SUPT16H: variants seen among roughly 807,000 people sequenced by gnomAD.
SUPT16H encodes the protein SPT16 homolog, facilitates chromatin remodeling subunit.
A neutral mutation model predicts 136.2 loss-of-function variants in SUPT16H; 24 were observed. The ratio of observed to expected loss-of-function variants is 0.18; its 90% CI spans 0.13 to 0.25. SUPT16H has a LOEUF of 0.25. SUPT16H is among the 10% of genes least tolerant of loss of function. SUPT16H has a pLI of 1.00. For synonymous variants in SUPT16H, 415 were observed against 428.2 expected (o/e 0.97, Z 0.38); for missense variants, 623 against 1,270.2 (o/e 0.49, Z 7.74).
Position 21,354,504 on chromosome 14 carries a change from G to A in SUPT16H, c.2697C>T (p.Ser899=). Residue 899 remains serine, a synonymous_variant, in exon 23 of 26, where the codon TCC becomes TCT. Transcript: ENST00000216297. ...CDLKYTEGVQ[S]LNWTKIMKTI... is the part of the protein sequence containing the mutation. ...TCTTCATGATTTTAGTCCAGTTGAG[G>A]GACTGTACTCCTTCTGTGTATTTCA... The A allele has an allele frequency of 1.2e-6, 2 of 1,614,088 alleles. No individual in the cohort carries two copies. The highest frequency in any genetic ancestry group is 1.7e-6 in the Non-Finnish European group (2 of 1,180,002).
At chr14:21,367,298 A>G (rs1886692796) in intron 7 of SUPT16H, among the ~76,000 whole-genome samples, 1 of 151,666 alleles carries the variant, frequency 6.6e-6, no homozygotes, top group Admixed American at 6.6e-5. Context: ...TTAATAAAAT[A>G]CTTTAAGAGT....
chr14:21,383,416 G>T (rs1258008129), intron 1 of SUPT16H: 5 of 502,840 alleles, frequency 9.9e-6, no homozygotes, highest in Non-Finnish European at 1.8e-5. Flanking sequence ...AAGCCCGATT[G>T]ACATCCTCCT....
Position 21,383,228 on chromosome 14 carries a change from G to A in SUPT16H, c.66+634C>T, listed in dbSNP as rs575978945. The A allele has an allele frequency of 1.7e-4, 32 of 183,760 alleles. No individual in the cohort carries two copies. In the East Asian group the frequency reaches 4.3e-3, roughly 24 times the overall value. 11.4% of individuals were successfully genotyped at this position (183,760 alleles called of 1,614,324 possible). ...CACGTGCCCCGGATACGCTACCAAG[G>A]AACTAATAAGGTTTTAGGCATCGTT... On this transcript the variant is annotated intron_variant, in intron 1 of 25. Transcript: ENST00000216297.
chr14:21,378,480 A>G (rs1326361429), intron 1 of SUPT16H, among the ~76,000 whole-genome samples: 1 of 152,226 alleles, frequency 6.6e-6, no homozygotes, highest in Non-Finnish European at 1.5e-5. Context: ...GTTATGAAGA[A>G]GGATGGATGT....
In SUPT16H at chr14:21,369,488, T is replaced by C. The variant is rs1313157271; in HGVS notation, c.631-133A>G. On this transcript the variant is annotated intron_variant, in intron 5 of 25. Transcript: ENST00000216297. ...AATGATTTATGCGCCAGGTAATATA[T>C]TGGTATGCAGGCAAAACACATTTGG... 16 of 1,245,334 alleles carry C rather than the reference T, an allele frequency of 1.3e-5. No homozygotes were observed. In the South Asian group the frequency reaches 1.6e-4, roughly 13 times the overall value. 77.1% of individuals were successfully genotyped at this position (1,245,334 alleles called of 1,614,324 possible).
intron 22 of SUPT16H, among the ~76,000 whole-genome samples, chr14:21,356,683 T>C (rs1886440986): frequency 6.6e-6 from 1 of 152,180 alleles, no homozygotes; most frequent in Non-Finnish European, 1.5e-5. Context: ...GAGGCTGCAG[T>C]GAGCTGTGAC....
rs774973353 is a variant in SUPT16H at position 21,359,529 on chromosome 14, C to G, written c.2256G>C (p.Gly752=). Residue 752 remains glycine, a synonymous_variant, in exon 19 of 26, where the codon GGG becomes GGC. Transcript: ENST00000216297. The stretch of plus-strand genomic sequence containing the variant: ...CTCGGTCATGCATATGCTGATGTTT[C>G]CCCAAGTCCGTGGTTATCTCTCCCA... ...TEVGEITTDL[G]KHQHMHDRDD... is the part of the protein sequence containing the mutation. The G allele has an allele frequency of 2.5e-5, 40 of 1,614,036 alleles. No individual in the cohort carries two copies. The East Asian group carries it at 8.5e-4, about 34-fold the overall frequency.
intron 1 of SUPT16H, chr14:21,382,996 C>CTT (rs1193585387): frequency 1.4e-4 from 22 of 152,110 alleles, no homozygotes; most frequent in African/African-American, 5.3e-4. Flanking sequence ...AAAAAAAAAT[C>CTT]TTTATTAGCT....
intron 10 of SUPT16H, among the ~76,000 whole-genome samples, chr14:21,363,975 A>T (rs2139404045): frequency 1.3e-5 from 2 of 152,248 alleles, no homozygotes; most frequent in East Asian, 1.9e-4. Context: ...CACTGCGCCC[A>T]GCCAAGAGCT....
Position 21,371,393 on chromosome 14 carries a change from C to T in SUPT16H, c.330+481G>A, listed in dbSNP as rs138668329. ...TCAGCCTCCTGAGCAGCTGGGACTA[C>T]GGGTGTGTGCCACCACGTCTGATAC... On this transcript the variant is annotated intron_variant, in intron 3 of 25. Transcript: ENST00000216297. Among the ~76,000 whole-genome samples the T allele has an allele frequency of 1.2e-3, 181 of 152,254 alleles. 1 individual carries two copies. The highest frequency in any genetic ancestry group is 3.9e-3 in the African/African-American group (160 of 41,546).
chr14:21,383,047 G>C (rs931897450), intron 1 of SUPT16H: 2 of 152,292 alleles, frequency 1.3e-5, no homozygotes, highest in African/African-American at 4.8e-5. Flanking sequence ...CAAGACTTAA[G>C]CTAGCCAACT....
intron 1 of SUPT16H, among the ~76,000 whole-genome samples, chr14:21,377,576 C>CTT (rs771328078): frequency 2.1e-4 from 30 of 141,516 alleles, no homozygotes; most frequent in Middle Eastern, 3.7e-3. Context: ...TCTATGCATC[C>CTT]TTTTTTTTTT....
chr14:21,353,853 A>C (rs1328681334), intron 23 of SUPT16H, 21 bp from the exon 24 acceptor site: 1 of 1,598,106 alleles, frequency 6.3e-7, no homozygotes, highest in Admixed American at 1.8e-5. Context: ...AGAGCATAAT[A>C]CTGATTTTTT....
intron 19 of SUPT16H, among the ~76,000 whole-genome samples, chr14:21,358,963 C>A (rs1886492068): frequency 6.6e-6 from 1 of 151,958 alleles, no homozygotes; most frequent in South Asian, 2.1e-4. Context: ...CGCCACTACA[C>A]CCGGCTAATT....
chr14:21,377,330 A>G (rs1423427580), intron 1 of SUPT16H, among the ~76,000 whole-genome samples: 1 of 152,220 alleles, frequency 6.6e-6, no homozygotes, highest in Non-Finnish European at 1.5e-5. Context: ...CAGAGAGAAC[A>G]GGCTATGTAT....
intron 2 of SUPT16H, chr14:21,372,819 T>A (rs917771749): frequency 2.8e-6 from 1 of 356,872 alleles, no homozygotes; most frequent in African/African-American, 2.1e-5. Context: ...TTTTTCCTTA[T>A]GTCTTAAATC....
At chr14:21,371,408 A>G (rs896838423) in intron 3 of SUPT16H, among the ~76,000 whole-genome samples, 55 of 152,276 alleles carry the variant, frequency 3.6e-4, no homozygotes, top group African/African-American at 1.3e-3. Context: ...GTGTGCCACC[A>G]CGTCTGATAC....
intron 25 of SUPT16H, 46 bp from the exon 26 acceptor site, chr14:21,352,864 TACCTA>T (rs748013831): frequency 6.2e-7 from 1 of 1,612,782 alleles, no homozygotes; most frequent in South Asian, 1.1e-5. Flanking sequence ...AAGCTTTAGG[TACCTA>T]ATATTACTGG....
intron 6 of SUPT16H, 53 bp downstream of exon 6, chr14:21,369,151 G>GA (rs1273427489): frequency 2.5e-6 from 4 of 1,570,594 alleles, no homozygotes; most frequent in Admixed American, 1.9e-5. Flanking sequence ...TTAACAAAAA[G>GA]AAAAAATAGG....
Sources: gnomAD v4.1 joint callset for allele counts (sites outside exome capture counted in the v4.1 genomes callset) on GRCh38, gnomAD v4.1.1 for gene constraint, MANE v1.5 for transcripts, NCBI Gene and HGNC (gene_info 2026-07-23, HGNC 2026-07-21) for gene names.